Variants in ANK3 observed in about 807,000 individuals in gnomAD.
ANK3 encodes the protein ankyrin-3.
A neutral mutation model predicts 370.9 loss-of-function variants in ANK3; 57 were observed. The ratio of observed to expected loss-of-function variants is 0.15; its 90% CI spans 0.12 to 0.19. ANK3 has a LOEUF of 0.19. ANK3 is among the 10% of genes least tolerant of loss of function. The pLI is 1.00. For missense variants in ANK3, 4,439 were observed against 5,302.1 expected (o/e 0.84, Z 5.06); for synonymous variants, 1,929 against 1,946.3 (o/e 0.99, Z 0.23).
chr10:60,160,269 A>G (rs913566324), intron 23 of ANK3, among the ~76,000 whole-genome samples: 3 of 152,128 alleles, frequency 2.0e-5, no homozygotes, highest in Non-Finnish European at 4.4e-5. Context: ...GACTATTATG[A>G]GCAACTACTA....
chr10:60,591,709 G>T (rs1326685820), intron 2 of ANK3, among the ~76,000 whole-genome samples: 1 of 152,162 alleles, frequency 6.6e-6, no homozygotes, highest in African/African-American at 2.4e-5. Flanking sequence ...TAAAGAACAG[G>T]TGATACATAT....
At position 60,085,258 on chromosome 10, in the gene ANK3, G is replaced by GA. The variant is rs780676995; in HGVS notation, c.3749-6dup. 11 of 1,603,954 alleles carry GA rather than the reference G, an allele frequency of 6.9e-6. No homozygotes were observed. Among genetic ancestry groups the GA allele is most frequent in the South Asian group, 5.6e-5 (5 of 90,046 alleles). ...ACTGAGCAGGCGAAGTGCCCCCTGAGAGAACAACAGCAGATATGTTGACTT... is the reference window on the plus strand; with the variant it reads ...ACTGAGCAGGCGAAGTGCCCCCTGAGAAGAACAACAGCAGATATGTTGACTT... On this transcript the variant is annotated splice_region_variant and splice_polypyrimidine_tract_variant and intron_variant, in intron 30 of 43. Transcript: ENST00000280772.
At position 60,173,208 on chromosome 10, in the gene ANK3, A is replaced by G. The variant is rs1233963080; in HGVS notation, c.2185-22T>C. On this transcript the variant is annotated intron_variant, in intron 18 of 43. Transcript: ENST00000280772. ...CCATCTGTAATTATTATTTTTTTAA[A>G]AAAGAAGCATCATAATTACACTTTT... 3.8e-6 allele frequency: 6 copies of G among 1,558,720 alleles called. No individual in the cohort carries two copies. In the Admixed American group the frequency reaches 7.0e-5, roughly 18 times the overall value.
chr10:60,627,542 A>G (rs577417186), intron 1 of ANK3, among the ~76,000 whole-genome samples: 2 of 152,298 alleles, frequency 1.3e-5, no homozygotes, highest in African/African-American at 4.8e-5. Context: ...ATCTTGGTAT[A>G]CAGTATAAAA....
At chr10:60,097,121 T>A (rs985082588) in intron 28 of ANK3, among the ~76,000 whole-genome samples, 1 of 152,242 alleles carries the variant, frequency 6.6e-6, no homozygotes, top group Non-Finnish European at 1.5e-5. Flanking sequence ...AATTATCATT[T>A]GGCCCACACA....
At chr10:60,340,411 T>TTTTC (rs1225966811) in intron 1 of ANK3, among the ~76,000 whole-genome samples, 3 of 152,094 alleles carry the variant, frequency 2.0e-5, no homozygotes, top group East Asian at 3.9e-4. Flanking sequence ...ATTTTTGTTT[T>TTTTC]TTTCTTTCTT....
At position 60,685,113 on chromosome 10, in the gene ANK3, T is replaced by A. The variant is rs2079250320; in HGVS notation, c.57+48150A>T. Reference sequence around the variant, plus strand: ...CCTATTATATCTGTGTGGAGGAGGTTTTCTCTGGTCTGATTTTGACAAATG... The same window carrying A: ...CCTATTATATCTGTGTGGAGGAGGTATTCTCTGGTCTGATTTTGACAAATG... On this transcript the variant is annotated intron_variant, in intron 1 of 43. Coordinates refer to the ANK3 transcript ENST00000373827. 6 of 996,464 alleles carry A rather than the reference T, an allele frequency of 6.0e-6. No individual in the cohort carries two copies. The Middle Eastern group carries it at 7.0e-4, about 116-fold the overall frequency. 61.7% of individuals were successfully genotyped at this position (996,464 alleles called of 1,614,324 possible).
At chr10:60,140,104 G>A in intron 23 of ANK3, 1 of 562,510 alleles carries the variant, frequency 1.8e-6, no homozygotes, top group Non-Finnish European at 3.1e-6. Context: ...ATTCGGTACT[G>A]TTTACATTTT....
At chr10:60,558,619 C>T (rs1310682420) in intron 2 of ANK3, among the ~76,000 whole-genome samples, 1 of 152,116 alleles carries the variant, frequency 6.6e-6, no homozygotes, top group East Asian at 1.9e-4. Flanking sequence ...GTAAAATATA[C>T]ACTATTATGC....
At chr10:60,293,249 G>C (rs117043753) in intron 1 of ANK3, among the ~76,000 whole-genome samples, 1 of 152,008 alleles carries the variant, frequency 6.6e-6, no homozygotes, top group Non-Finnish European at 1.5e-5. Flanking sequence ...ATCTCATCAC[G>C]CCTTCATTTA....
rs1205894680 is a variant in ANK3 at position 60,419,201 on chromosome 10, A to C, written c.97-139562T>G. ...CCATTGGAAAGAGATGAATTTAAAG[A>C]AAAAGTACTGGGTCAGGAGTTTGGA... On this transcript the variant is annotated intron_variant, in intron 2 of 43. Coordinates refer to the ANK3 transcript ENST00000373827. Among the ~76,000 whole-genome samples the C allele has an allele frequency of 3.3e-5, 5 of 152,196 alleles. No individual in the cohort carries two copies. In the East Asian group the frequency reaches 5.8e-4, roughly 18 times the overall value.
At chr10:60,339,339 A>G (rs2053735877) in intron 1 of ANK3, among the ~76,000 whole-genome samples, 1 of 152,166 alleles carries the variant, frequency 6.6e-6, no homozygotes, top group South Asian at 2.1e-4. Context: ...TCTCTGAGGA[A>G]AGGATGGATA....
At chr10:60,362,163 T>C (rs2058709632) in intron 1 of ANK3, among the ~76,000 whole-genome samples, 1 of 152,208 alleles carries the variant, frequency 6.6e-6, no homozygotes, top group Non-Finnish European at 1.5e-5. Context: ...AGTGTTCCAT[T>C]ATCCATTTAA....
At chr10:60,135,827 G>A (rs2094317490) in intron 24 of ANK3, among the ~76,000 whole-genome samples, 1 of 152,008 alleles carries the variant, frequency 6.6e-6, no homozygotes, top group African/African-American at 2.4e-5. Context: ...TGACATTAGA[G>A]GCCTCATTCT....
chr10:60,102,732 T>C (rs1684024234), intron 28 of ANK3, among the ~76,000 whole-genome samples: 1 of 152,200 alleles, frequency 6.6e-6, no homozygotes, highest in African/African-American at 2.4e-5. Context: ...TTTAAATACT[T>C]GAGTTTTAAG....
At chr10:60,107,848 A>G (rs912005330) in intron 27 of ANK3, among the ~76,000 whole-genome samples, 3 of 152,214 alleles carry the variant, frequency 2.0e-5, no homozygotes, top group Admixed American at 6.5e-5. Context: ...CTTCTCTTAC[A>G]CTGGGTTAAA....
At chr10:60,339,647 G>A (rs2053803075) in intron 1 of ANK3, among the ~76,000 whole-genome samples, 1 of 152,178 alleles carries the variant, frequency 6.6e-6, no homozygotes, top group Admixed American at 6.6e-5. Flanking sequence ...ATCTTACACT[G>A]TTTTTGAAAA....
At chr10:60,504,434 C>A (rs1674785641) in intron 2 of ANK3, among the ~76,000 whole-genome samples, 1 of 152,100 alleles carries the variant, frequency 6.6e-6, no homozygotes, top group Non-Finnish European at 1.5e-5. Flanking sequence ...AGTTTACTCC[C>A]ATAAGGATTT....
intron 25 of ANK3, among the ~76,000 whole-genome samples, chr10:60,127,264 G>A (rs748633311): frequency 6.6e-6 from 1 of 152,088 alleles, no homozygotes; most frequent in Non-Finnish European, 1.5e-5. Context: ...TGCTCTGAAC[G>A]GCCAGAATTG....
Sources: gnomAD v4.1 joint callset for allele counts (sites outside exome capture counted in the v4.1 genomes callset) on GRCh38, gnomAD v4.1.1 for gene constraint, MANE v1.5 for transcripts, NCBI Gene and HGNC (gene_info 2026-07-23, HGNC 2026-07-21) for gene names.